Variants in ACYP2 observed in about 807,000 individuals in gnomAD.
ACYP2 encodes the protein acylphosphatase-2.
Under a neutral mutation model 11.2 loss-of-function variants are expected in ACYP2, and 12 were observed. That is an observed-to-expected ratio of 1.08 (90% CI 0.69 to 1.74). The LOEUF (loss-of-function observed/expected upper bound fraction) is 1.74, where lower values mean the gene tolerates loss of function less well. Among genes scored for constraint, ACYP2 ranks in the 40% most tolerant of loss-of-function variants. The probability of loss-of-function intolerance (pLI) is 0.00; values close to 1 mark genes in which losing one functional copy is unlikely to be tolerated. For missense variants in ACYP2, 134 were observed against 101.9 expected (o/e 1.31, Z -1.35); for synonymous variants, 43 against 32.2 (o/e 1.33, Z -1.13).
intron 2 of ACYP2, chr2:54,029,526 C>A (rs1674473169): frequency 2.5e-6 from 1 of 393,994 alleles, no homozygotes; most frequent in South Asian, 2.2e-5. Flanking sequence ...ACTCAGGCTC[C>A]TTCCCATTGG....
At chr2:53,982,234 C>T (rs993576728) in intron 2 of ACYP2, among the ~76,000 whole-genome samples, 1 of 152,134 alleles carries the variant, frequency 6.6e-6, no homozygotes. Context: ...GAATAGCCAG[C>T]AAGACATTCA....
intron 2 of ACYP2, among the ~76,000 whole-genome samples, chr2:54,047,552 C>G (rs540288489): frequency 6.6e-6 from 1 of 152,280 alleles, no homozygotes; most frequent in South Asian, 2.1e-4. Context: ...TAATTACCAC[C>G]TTGCCATGAA....
In ACYP2 at chr2:54,203,960, CT is replaced by C. The variant is rs536803554; in HGVS notation, c.404+65213del. Among the ~76,000 whole-genome samples, 702 of 152,300 alleles carry C rather than the reference CT, an allele frequency of 4.6e-3. 11 individuals are homozygous for C. Among genetic ancestry groups the C allele is most frequent in the African/African-American group, 0.016 (669 of 41,562 alleles). On this transcript the variant is annotated intron_variant, in intron 6 of 6. Coordinates refer to ENST00000607452, the MANE Select transcript of ACYP2 (RefSeq NM_001320586.2). ...CAGCACAAATTCACAAATTCATAAA[CT>C]GTCTTAAAACATTATGAGGTTTTTG...
intron 4 of ACYP2, among the ~76,000 whole-genome samples, chr2:54,119,844 C>A (rs903781281): frequency 6.6e-6 from 1 of 152,172 alleles, no homozygotes; most frequent in Non-Finnish European, 1.5e-5. Context: ...ATACATTTAG[C>A]CCCCTTGCCT....
chr2:54,294,061 G>C (rs1468068673), intron 6 of ACYP2, among the ~76,000 whole-genome samples: 2 of 151,982 alleles, frequency 1.3e-5, no homozygotes, highest in African/African-American at 4.8e-5. Context: ...ATTTTTTACT[G>C]TCTCCTTTCT....
chr2:54,123,350 G>C (rs564912827), intron 4 of ACYP2: 10 of 398,474 alleles, frequency 2.5e-5, no homozygotes, highest in African/African-American at 2.1e-4. Flanking sequence ...ATAGGAAAAA[G>C]TCAGGGAGGT....
chr2:53,986,903 G>A (rs1672064295), intron 2 of ACYP2, among the ~76,000 whole-genome samples: 1 of 152,138 alleles, frequency 6.6e-6, no homozygotes, highest in African/African-American at 2.4e-5. Context: ...AAGATTATAG[G>A]TGTGAGCCAC....
At chr2:54,209,578 C>T (rs570308327) in intron 6 of ACYP2, among the ~76,000 whole-genome samples, 159 of 152,278 alleles carry the variant, frequency 1.0e-3, no homozygotes, top group Admixed American at 1.8e-3. Flanking sequence ...ATGGTTCATT[C>T]CTTCATTTCG....
chr2:54,209,442 A>T (rs1399926154), intron 6 of ACYP2, among the ~76,000 whole-genome samples: 1 of 152,166 alleles, frequency 6.6e-6, no homozygotes, highest in Non-Finnish European at 1.5e-5. Context: ...ATCAAGTGTG[A>T]CTCTCTGATC....
chr2:54,224,619 A>C (rs536050166), intron 6 of ACYP2, among the ~76,000 whole-genome samples: 4 of 152,346 alleles, frequency 2.6e-5, no homozygotes, highest in Middle Eastern at 6.8e-3. Flanking sequence ...CCAAACAGGA[A>C]GACAAGTTCT....
At chr2:53,994,389 C>T (rs1325465490) in intron 2 of ACYP2, among the ~76,000 whole-genome samples, 3 of 142,078 alleles carry the variant, frequency 2.1e-5, no homozygotes, top group South Asian at 2.3e-4. Flanking sequence ...CATGGTGGCA[C>T]GTGCCTGTAG....
chr2:54,170,260 C>G (rs1345721723), intron 6 of ACYP2, among the ~76,000 whole-genome samples: 3 of 152,132 alleles, frequency 2.0e-5, no homozygotes, highest in African/African-American at 7.2e-5. Context: ...TGAAGTGGTT[C>G]TCCTGCCTCA....
intron 6 of ACYP2, among the ~76,000 whole-genome samples, chr2:54,139,277 A>C (rs1681459828): frequency 6.6e-6 from 1 of 152,206 alleles, no homozygotes; most frequent in East Asian, 1.9e-4. Context: ...TTCTTAGGGT[A>C]GCGTTCCAGG....
intron 6 of ACYP2, among the ~76,000 whole-genome samples, chr2:54,174,195 T>C (rs1683339749): frequency 6.6e-6 from 1 of 152,216 alleles, no homozygotes; most frequent in African/African-American, 2.4e-5. Flanking sequence ...GTTTGTGTCC[T>C]CTTTTATTTT....
In ACYP2 at chr2:54,214,572, G is replaced by A. The variant is rs150043525; in HGVS notation, c.404+75824G>A. Among the ~76,000 whole-genome samples the A allele has an allele frequency of 4.8e-3, 730 of 152,236 alleles. 11 individuals are homozygous for A. Among genetic ancestry groups the A allele is most frequent in the African/African-American group, 0.017 (694 of 41,532 alleles). On this transcript the variant is annotated intron_variant, in intron 6 of 6. Coordinates refer to ENST00000607452, the MANE Select transcript of ACYP2 (RefSeq NM_001320586.2). ...TGAACATGTGTGGCTTTATTTCTGG[G>A]TTCTCTAATCTGTTTCATTGGTCTA...
chr2:53,997,855 G>A (rs1373985860), intron 2 of ACYP2, among the ~76,000 whole-genome samples: 1 of 152,154 alleles, frequency 6.6e-6, no homozygotes, highest in Non-Finnish European at 1.5e-5. Context: ...AACACTCCAT[G>A]TGACTGTTTC....
intron 4 of ACYP2, among the ~76,000 whole-genome samples, chr2:54,124,849 A>G (rs554902875): frequency 1.3e-5 from 2 of 152,228 alleles, no homozygotes; most frequent in South Asian, 2.1e-4. Context: ...ACTAGAGGCA[A>G]GTGCTATCAT....
intron 2 of ACYP2, among the ~76,000 whole-genome samples, chr2:54,007,138 C>CA (rs70944145): frequency 0.048 from 2,512 of 52,142 alleles, 227 homozygotes; most frequent in East Asian, 0.16. Flanking sequence ...GACTCTGTGT[C>CA]AAAAAAAAAA....
intron 4 of ACYP2, among the ~76,000 whole-genome samples, chr2:54,059,947 T>C (rs1676377216): frequency 6.6e-6 from 1 of 152,224 alleles, no homozygotes; most frequent in African/African-American, 2.4e-5. Flanking sequence ...CACATTCTTT[T>C]AATGTGCTTG....
Sources: allele counts gnomAD v4.1 joint callset (sites outside exome capture counted in the v4.1 genomes callset), GRCh38; gene constraint gnomAD v4.1.1; transcripts MANE v1.5; gene names NCBI Gene and HGNC (gene_info 2026-07-23, HGNC 2026-07-21).